Variants in NSF observed in about 807,000 individuals in gnomAD.
The protein encoded by NSF is N-ethylmaleimide sensitive factor, vesicle fusing ATPase, also known as vesicle-fusing ATPase.
A neutral mutation model predicts 50.3 loss-of-function variants in NSF; 14 were observed. The ratio of observed to expected loss-of-function variants is 0.28; its 90% CI spans 0.18 to 0.44. NSF has a LOEUF of 0.44. NSF is among the 20% of genes least tolerant of loss of function. The pLI is 1.00. For synonymous variants in NSF, 109 were observed against 175.7 expected, an observed-to-expected ratio of 0.62 and a Z score of 3.00; for missense variants, 218 against 504.3, an observed-to-expected ratio of 0.43 and a Z score of 5.44.
chr17:46,734,092 T>G (rs1390759099), intron 17 of NSF, among the ~76,000 whole-genome samples: 1 of 152,228 alleles, frequency 6.6e-6, no homozygotes. Context: ...ACATGACATC[T>G]TAGCAGTCTT....
intron 1 of NSF, among the ~76,000 whole-genome samples, chr17:46,598,813 C>T (rs1351489501): frequency 6.6e-6 from 1 of 150,868 alleles, no homozygotes; most frequent in Non-Finnish European, 1.5e-5. Flanking sequence ...TTGTGGATAG[C>T]TCATGTGCAG....
chr17:46,598,941 A>G (rs1326717406), intron 1 of NSF, among the ~76,000 whole-genome samples: 1 of 138,868 alleles, frequency 7.2e-6, no homozygotes, highest in African/African-American at 2.8e-5. Context: ...AGTTTTGTGT[A>G]TCGCTTTAGT....
intron 17 of NSF, among the ~76,000 whole-genome samples, chr17:46,749,409 ATTCAT>A (rs1419998305): frequency 6.6e-6 from 1 of 152,196 alleles, no homozygotes; most frequent in East Asian, 1.9e-4. Context: ...CATACTTTCT[ATTCAT>A]TTCATCTTTT....
intron 14 of NSF, among the ~76,000 whole-genome samples, chr17:46,712,014 A>T (rs1452082610): frequency 6.6e-6 from 1 of 152,212 alleles, no homozygotes; most frequent in Non-Finnish European, 1.5e-5. Flanking sequence ...GGCAATGGGA[A>T]GCCATTTGTA....
intron 1 of NSF, among the ~76,000 whole-genome samples, chr17:46,605,842 G>A (rs1309646207): frequency 2.0e-5 from 1 of 48,830 alleles, no homozygotes; most frequent in Non-Finnish European, 3.4e-5. Flanking sequence ...TGATGTATGC[G>A]GAGGTTTTAA....
In NSF at chr17:46,635,816, TGTGCTC is replaced by T. The variant is rs1206705555; in HGVS notation, c.239-1556_239-1551del. Among the ~76,000 whole-genome samples the T allele has an allele frequency of 2.1e-3, 302 of 140,670 alleles. 31 individuals are homozygous for T. The highest frequency in any genetic ancestry group is 4.1e-3 in the Non-Finnish European group (257 of 62,122). 92.3% of individuals were successfully genotyped at this position (140,670 alleles called of 152,430 possible). On this transcript the variant is annotated intron_variant, in intron 4 of 20. Coordinates refer to ENST00000398238, the MANE Select transcript of NSF (RefSeq NM_006178.4). Reference sequence around the variant, plus strand: ...GTGTGTGTGTGTGTGTGTGTGTGTGTGTGCTCGTGTGTGAAGCCTTATTGAAGAGTA... The same window carrying T: ...GTGTGTGTGTGTGTGTGTGTGTGTGTGTGTGTGAAGCCTTATTGAAGAGTA...
At chr17:46,742,973 T>G (rs771319886) in intron 17 of NSF, among the ~76,000 whole-genome samples, 1 of 152,098 alleles carries the variant, frequency 6.6e-6, no homozygotes, top group Admixed American at 6.6e-5. Flanking sequence ...CAGGAAAGCT[T>G]CTTACTCTTG....
At chr17:46,657,385 T>C (rs1396303446) in intron 8 of NSF, among the ~76,000 whole-genome samples, 3 of 152,236 alleles carry the variant, frequency 2.0e-5, no homozygotes, top group African/African-American at 4.8e-5. Context: ...GAGAAACTAA[T>C]AGACAAGGTT....
intron 17 of NSF, among the ~76,000 whole-genome samples, chr17:46,738,280 A>C (rs930095205): frequency 3.3e-5 from 5 of 152,100 alleles, no homozygotes; most frequent in Non-Finnish European, 5.9e-5. Flanking sequence ...GAATTTGAGG[A>C]TATGTTCTGT....
At chr17:46,728,285 AT>A (rs1313627780) in intron 16 of NSF, among the ~76,000 whole-genome samples, 1 of 151,808 alleles carries the variant, frequency 6.6e-6, no homozygotes, top group Admixed American at 6.6e-5. Context: ...GAAATTCCTT[AT>A]TTTCCCCTTT....
chr17:46,599,870 A>AAAT (rs1317585663), intron 1 of NSF, among the ~76,000 whole-genome samples: 2 of 97,904 alleles, frequency 2.0e-5, no homozygotes, highest in African/African-American at 9.6e-5. Flanking sequence ...TCAGTCTCAA[A>AAAT]AATAATAATA....
At chr17:46,711,295 G>A (rs994188068) in intron 14 of NSF, among the ~76,000 whole-genome samples, 176 bp downstream of exon 14, 1 of 152,176 alleles carries the variant, frequency 6.6e-6, no homozygotes. Flanking sequence ...AAATTTTCTT[G>A]GGGTAGAATG....
At chr17:46,675,373 G>A (rs2146204443) in intron 9 of NSF, among the ~76,000 whole-genome samples, 1 of 127,964 alleles carries the variant, frequency 7.8e-6, no homozygotes, top group South Asian at 2.4e-4. Context: ...ATTTCGACTT[G>A]CCTGGTTACC....
intron 15 of NSF, chr17:46,722,245 A>G: frequency 1.7e-6 from 2 of 1,162,124 alleles, no homozygotes; most frequent in African/African-American, 3.0e-5. Flanking sequence ...AAATCCCTAC[A>G]TTCTTAAGAT....
intron 15 of NSF, among the ~76,000 whole-genome samples, chr17:46,716,025 G>A (rs1344096698): frequency 6.6e-6 from 1 of 152,106 alleles, no homozygotes; most frequent in Non-Finnish European, 1.5e-5. Context: ...TGTCATTAAA[G>A]TTCAGAAAAG....
At chr17:46,598,792 C>T (rs1015532342) in intron 1 of NSF, among the ~76,000 whole-genome samples, 29 of 151,584 alleles carry the variant, frequency 1.9e-4, no homozygotes, top group African/African-American at 6.6e-4. Context: ...CTTTGGAACT[C>T]AAGCTGTAAA....
chr17:46,728,989 G>T lies in NSF; in HGVS notation c.1908+55G>T, dbSNP rs1002396322. ...TTAACAAAGAGTTTTTCAGTAAATC[G>T]CATATAATGATACAATCTTTAAATA... On this transcript the variant is annotated intron_variant, in intron 17 of 20. Transcript: ENST00000398238. 4.4e-5 allele frequency: 47 copies of T among 1,069,686 alleles called. No individual in the cohort carries two copies. The Admixed American group carries it at 5.4e-4, about 12-fold the overall frequency. 66.3% of individuals were successfully genotyped at this position (1,069,686 alleles called of 1,614,324 possible). A position where few individuals can be genotyped will look rare whatever the true frequency, so the allele number is the denominator to read the frequency against.
At chr17:46,732,308 A>G (rs2058957095) in intron 17 of NSF, among the ~76,000 whole-genome samples, 1 of 152,114 alleles carries the variant, frequency 6.6e-6, no homozygotes, top group South Asian at 2.1e-4. Flanking sequence ...CAGGGGCACT[A>G]TGTTGTTATG....
chr17:46,714,815 A>T (rs2058752479), intron 15 of NSF, among the ~76,000 whole-genome samples: 1 of 152,138 alleles, frequency 6.6e-6, no homozygotes, highest in African/African-American at 2.4e-5. Context: ...TCTTTTATAG[A>T]TATGAACTGA....
Sources: gnomAD v4.1 joint callset for allele counts (sites outside exome capture counted in the v4.1 genomes callset) on GRCh38, gnomAD v4.1.1 for gene constraint, MANE v1.5 for transcripts, NCBI Gene and HGNC (gene_info 2026-07-23, HGNC 2026-07-21) for gene names.